Variants in FGGY observed in about 807,000 individuals in gnomAD.
FGGY encodes the protein FGGY carbohydrate kinase domain containing, also known as FGGY carbohydrate kinase domain-containing protein.
Under a neutral mutation model 71.3 loss-of-function variants are expected in FGGY, and 72 were observed. That is an observed-to-expected ratio of 1.01 (90% CI 0.84 to 1.23). The LOEUF is 1.23. Among genes scored for constraint, FGGY ranks in the 50% most tolerant of loss-of-function variants. The pLI is 0.00. For missense variants in FGGY, 668 were observed against 682.3 expected (o/e 0.98, Z 0.23); for synonymous variants, 251 against 250.3 (o/e 1.00, Z -0.02).
At chr1:59,526,351 A>G (rs71637736) in intron 7 of FGGY, among the ~76,000 whole-genome samples, 8,089 of 152,300 alleles carry the variant, frequency 0.053, 322 homozygotes, top group African/African-American at 0.1. Flanking sequence ...CATTGTGTAA[A>G]AAGCAAGGCA....
chr1:59,323,070 G>A (rs7528893), intron 2 of FGGY, among the ~76,000 whole-genome samples: 28,566 of 151,998 alleles, frequency 0.19, 3,236 homozygotes, highest in East Asian at 0.35. Context: ...GAATAAAAGA[G>A]GGATGCATCT....
chr1:59,644,058 A>C (rs2097064464), intron 11 of FGGY, among the ~76,000 whole-genome samples: 1 of 152,132 alleles, frequency 6.6e-6, no homozygotes, highest in Non-Finnish European at 1.5e-5. Flanking sequence ...TGTTCTTCTG[A>C]CCACCAACCT....
At chr1:59,656,166 A>G (rs2097216204) in intron 11 of FGGY, among the ~76,000 whole-genome samples, 1 of 152,068 alleles carries the variant, frequency 6.6e-6, no homozygotes, top group African/African-American at 2.4e-5. Flanking sequence ...TGCAACTCTC[A>G]CATCGGGCTT....
intron 6 of FGGY, among the ~76,000 whole-genome samples, chr1:59,503,928 A>G (rs1280184289): frequency 6.6e-6 from 1 of 151,978 alleles, no homozygotes; most frequent in Non-Finnish European, 1.5e-5. Flanking sequence ...TTGATTATGG[A>G]TCAGAAGACC....
intron 6 of FGGY, among the ~76,000 whole-genome samples, chr1:59,489,948 G>T (rs2093775055): frequency 6.6e-6 from 1 of 152,032 alleles, no homozygotes; most frequent in Non-Finnish European, 1.5e-5. Flanking sequence ...GTTTTGATTT[G>T]CATTTCCCTG....
chr1:59,631,888 A>G (rs1411242207), intron 10 of FGGY, among the ~76,000 whole-genome samples: 1 of 152,214 alleles, frequency 6.6e-6, no homozygotes, highest in African/African-American at 2.4e-5. Flanking sequence ...TTTAGCAGAG[A>G]TCACCTTATG....
At chr1:59,498,002 A>G (rs1396411389) in intron 6 of FGGY, among the ~76,000 whole-genome samples, 2 of 152,182 alleles carry the variant, frequency 1.3e-5, no homozygotes, top group South Asian at 2.1e-4. Context: ...AACAGGACAC[A>G]AGGGAGTAAG....
Position 59,631,434 on chromosome 1 carries a change from A to G in FGGY, c.1073+5385A>G, listed in dbSNP as rs1266839799. 5.9e-5 allele frequency among the ~76,000 whole-genome samples: 9 copies of G among 152,200 alleles called. No homozygotes were observed. The East Asian group carries it at 1.5e-3, about 26-fold the overall frequency. On this transcript the variant is annotated intron_variant, in intron 10 of 15. Transcript: ENST00000303721. ...CTTTTCTTTTATTGTCTTACAAAGG[A>G]AAGTGCATCTGTGTCTTATTAGATC...
At position 59,638,257 on chromosome 1, in the gene FGGY, G is replaced by A. The variant is rs1312307542; in HGVS notation, c.1103G>A (p.Ser368Asn). The A allele has an allele frequency of 1.9e-6, 3 of 1,614,008 alleles. No individual in the cohort carries two copies. Among genetic ancestry groups the A allele is most frequent in the Admixed American group, 3.3e-5 (2 of 60,000 alleles). ...RCQSIYAYLN[S>N]HLDLIKKAQP... ...CAGAGTATATATGCATATTTGAACA[G>A]TCACCTGGATCTGATTAAGAAGGCT... Residue 368 changes from serine to asparagine, a missense_variant, in exon 11 of 16, where the codon AGT becomes AAT. Ser to Asn is a conservative substitution (Grantham distance 46, BLOSUM62 1). Around this residue, in one of 2 missense-constraint regions of FGGY, gnomAD observed 661 missense variants for 661.6 expected, o/e 1.00. Coordinates refer to ENST00000303721, the MANE Select transcript of FGGY (RefSeq NM_018291.5).
At chr1:59,340,462 G>A (rs944878364) in intron 3 of FGGY, among the ~76,000 whole-genome samples, 1 of 152,176 alleles carries the variant, frequency 6.6e-6, no homozygotes, top group South Asian at 2.1e-4. Context: ...GAGTGGATGA[G>A]CCAAGTCCTT....
chr1:59,445,646 C>T (rs749993883), intron 5 of FGGY, among the ~76,000 whole-genome samples: 1 of 152,192 alleles, frequency 6.6e-6, no homozygotes, highest in Non-Finnish European at 1.5e-5. Flanking sequence ...CCAGAACATC[C>T]TCACAGCAAA....
chr1:59,599,789 T>C (rs1220519924), intron 8 of FGGY, among the ~76,000 whole-genome samples: 2 of 149,690 alleles, frequency 1.3e-5, no homozygotes, highest in African/African-American at 4.9e-5. Context: ...ACACTAAGAG[T>C]TGAGAAAGAA....
intron 7 of FGGY, among the ~76,000 whole-genome samples, chr1:59,552,455 G>T (rs2095622336): frequency 6.6e-6 from 1 of 152,180 alleles, no homozygotes. Flanking sequence ...AGATTCACAG[G>T]TTGCTGTGCC....
chr1:59,601,326 C>A (rs2153809563), intron 8 of FGGY, among the ~76,000 whole-genome samples: 1 of 152,310 alleles, frequency 6.6e-6, no homozygotes, highest in East Asian at 1.9e-4. Context: ...GTCATCTCTC[C>A]CAGAAGAGGT....
chr1:59,586,474 A>C (rs2096289389), intron 8 of FGGY, among the ~76,000 whole-genome samples: 1 of 151,934 alleles, frequency 6.6e-6, no homozygotes, highest in Non-Finnish European at 1.5e-5. Flanking sequence ...ACATGGACAC[A>C]GGAAGGGGAA....
intron 12 of FGGY, among the ~76,000 whole-genome samples, chr1:59,662,230 G>A (rs1204753094): frequency 6.6e-6 from 1 of 150,500 alleles, no homozygotes; most frequent in Non-Finnish European, 1.5e-5. Context: ...TGAGGCAGGA[G>A]AATGGCATGA....
intron 11 of FGGY, among the ~76,000 whole-genome samples, chr1:59,652,766 C>A (rs1324361161): frequency 6.6e-6 from 1 of 152,036 alleles, no homozygotes; most frequent in African/African-American, 2.4e-5. Context: ...CAAAGTCATT[C>A]TCCATCCAGC....
intron 5 of FGGY, among the ~76,000 whole-genome samples, chr1:59,387,083 G>A (rs1265930971): frequency 6.6e-6 from 1 of 151,858 alleles, no homozygotes; most frequent in Non-Finnish European, 1.5e-5. Context: ...GTTTATAAGG[G>A]ATATTATTGT....
At chr1:59,297,220 A>G (rs970172726) in intron 1 of FGGY, 70 bp downstream of exon 1, 2 of 152,618 alleles carry the variant, frequency 1.3e-5, no homozygotes, top group African/African-American at 2.4e-5. Context: ...AAGGCTGCCT[A>G]TTAGGTGTCT....
Sources: gnomAD v4.1 joint callset for allele counts (sites outside exome capture counted in the v4.1 genomes callset) on GRCh38, gnomAD v4.1.1 for gene constraint, gnomAD v4.1.1 regional missense constraint, MANE v1.5 for transcripts, NCBI Gene and HGNC (gene_info 2026-07-23, HGNC 2026-07-21) for gene names.